The following PITPNA variants were observed in gnomAD, a reference collection of about 807,000 sequenced individuals.
PITPNA encodes phosphatidylinositol transfer protein alpha isoform.
Under a neutral mutation model 50.3 loss-of-function variants are expected in PITPNA, and 13 were observed. The ratio of observed to expected loss-of-function variants is 0.26; its 90% CI spans 0.17 to 0.41. The LOEUF is 0.41. Among genes scored for constraint, PITPNA ranks in the 10% least tolerant of loss-of-function variants. The probability of loss-of-function intolerance (pLI) is 1.00; values close to 1 mark genes in which losing one functional copy is unlikely to be tolerated. For synonymous variants in PITPNA, 120 were observed against 119.6 expected (o/e 1.00, Z -0.02); for missense variants, 207 against 333.4 (o/e 0.62, Z 2.95).
chr17:1,533,342 G>A (rs185634506), intron 10 of PITPNA, among the ~76,000 whole-genome samples: 2 of 152,288 alleles, frequency 1.3e-5, no homozygotes, highest in East Asian at 1.9e-4. Context: ...GTGTGACCCA[G>A]AGCACCGCAG....
chr17:1,552,889 A>G, intron 3 of PITPNA, 115 bp downstream of exon 3: 3 of 1,025,006 alleles, frequency 2.9e-6, no homozygotes, highest in South Asian at 3.0e-5. Flanking sequence ...ATAACTATTA[A>G]TTGTTAGGAT....
At position 1,562,792 on chromosome 17, in the gene PITPNA, C is replaced by A. The variant is rs1480738044; in HGVS notation, c.-232G>T. On this transcript the variant is annotated 5_prime_UTR_variant, in exon 1 of 12. Coordinates refer to ENST00000313486, the MANE Select transcript of PITPNA (RefSeq NM_006224.4). This position sits in a 1 kb window ranked among gnomAD's most constrained non-coding sequence, Gnocchi z 6.4. ...GGAGCTCCGGTTCCGCAGCGCCGCG[C>A]GGGGGCGGGGCGTCTCTGCGGCAAC... is the stretch of plus-strand genomic sequence containing the variant. 3 of 155,390 alleles carry A rather than the reference C, an allele frequency of 1.9e-5. No homozygotes were observed. In the East Asian group the frequency reaches 5.7e-4, roughly 30 times the overall value. The allele number at this position is 155,390 out of a possible 1,614,324, so 9.6% of individuals were successfully genotyped here. A position where few individuals can be genotyped will look rare whatever the true frequency, so the allele number is the denominator to read the frequency against.
chr17:1,549,442 G>A (rs1187258420), intron 3 of PITPNA, among the ~76,000 whole-genome samples: 2 of 148,754 alleles, frequency 1.3e-5, no homozygotes, highest in Admixed American at 6.7e-5. Context: ...TCAGCCTCCC[G>A]AGTAGAAGGG....
In PITPNA at chr17:1,520,062, G is replaced by A. The variant is rs1348373292; in HGVS notation, c.*499C>T. ...TATTTTGTGGAAGCGGTGCGGGGCAGGGAAACATTGTATCTTTAGCTCATC... is the reference window on the plus strand; with the variant it reads ...TATTTTGTGGAAGCGGTGCGGGGCAAGGAAACATTGTATCTTTAGCTCATC... On this transcript the variant is annotated 3_prime_UTR_variant, in exon 12 of 12. Coordinates refer to ENST00000313486, the MANE Select transcript of PITPNA (RefSeq NM_006224.4). 6.6e-6 allele frequency: 1 copy of A among 152,210 alleles called. No individual in the cohort carries two copies. Among genetic ancestry groups the A allele is most frequent in the Non-Finnish European group, 1.5e-5 (1 of 68,048 alleles). The allele number at this position is 152,210 out of a possible 1,614,324, so 9.4% of individuals were successfully genotyped here. A position where few individuals can be genotyped will look rare whatever the true frequency, so the allele number is the denominator to read the frequency against.
Position 1,543,005 on chromosome 17 carries a change from C to A in PITPNA, c.297+15G>T. On this transcript the variant is annotated intron_variant, in intron 5 of 11. Transcript: ENST00000313486. ...ATACATCATCTACAGTTCCAACCCCCTTGACAATACTTACTGTAATAACTG... is the reference window on the plus strand; with the variant it reads ...ATACATCATCTACAGTTCCAACCCCATTGACAATACTTACTGTAATAACTG... 6.3e-7 allele frequency: 1 copy of A among 1,580,570 alleles called. No individual in the cohort carries two copies. The highest frequency in any genetic ancestry group is 1.7e-5 in the Admixed American group (1 of 59,378).
chr17:1,540,334 C>T (rs1178848849), intron 6 of PITPNA, among the ~76,000 whole-genome samples: 5 of 152,190 alleles, frequency 3.3e-5, no homozygotes, highest in Non-Finnish European at 7.4e-5. Flanking sequence ...TAGAGTAACT[C>T]CTCTTCTTGC....
chr17:1,531,827 T>C (rs1002816771), intron 10 of PITPNA, among the ~76,000 whole-genome samples: 4 of 152,226 alleles, frequency 2.6e-5, no homozygotes, highest in African/African-American at 9.6e-5. Flanking sequence ...ATAACTTTGA[T>C]GAAACATATA....
At chr17:1,521,727 G>T (rs904527649) in intron 10 of PITPNA, 82 bp from the exon 11 acceptor site, 27 of 1,149,078 alleles carry the variant, frequency 2.3e-5, no homozygotes, top group Admixed American at 5.2e-5. Flanking sequence ...CATAGGTGGG[G>T]TGGGGCATAT....
chr17:1,526,051 G>T (rs1011761624), intron 10 of PITPNA, among the ~76,000 whole-genome samples: 4 of 152,190 alleles, frequency 2.6e-5, no homozygotes, highest in African/African-American at 9.7e-5. Flanking sequence ...GCTCCTTGAA[G>T]ATGTGGCCAG....
chr17:1,518,902 G>A lies in PITPNA; in HGVS notation c.*1659C>T, dbSNP rs1027985234. 1.3e-5 allele frequency: 2 copies of A among 152,338 alleles called. No individual in the cohort carries two copies. The highest frequency in any genetic ancestry group is 1.3e-4 in the Admixed American group (2 of 15,308). The allele number at this position is 152,338 out of a possible 1,614,324, so 9.4% of individuals were successfully genotyped here. A position where few individuals can be genotyped will look rare whatever the true frequency, so the allele number is the denominator to read the frequency against. On this transcript the variant is annotated 3_prime_UTR_variant, in exon 12 of 12. Coordinates refer to ENST00000313486, the MANE Select transcript of PITPNA (RefSeq NM_006224.4). ...CTACCAGCAGTTGAGATGCTACCCAGATGCATTACTAAAGACCCCTCAAGG... is the reference window on the plus strand; with the variant it reads ...CTACCAGCAGTTGAGATGCTACCCAAATGCATTACTAAAGACCCCTCAAGG...
At chr17:1,544,487 C>T (rs973769133) in intron 4 of PITPNA, among the ~76,000 whole-genome samples, 3 of 152,206 alleles carry the variant, frequency 2.0e-5, no homozygotes, top group African/African-American at 7.2e-5. Context: ...AAACAATCCT[C>T]CCCAAACCTT....
chr17:1,557,968 C>T (rs930211762), intron 2 of PITPNA, among the ~76,000 whole-genome samples: 5 of 152,200 alleles, frequency 3.3e-5, no homozygotes, highest in African/African-American at 1.2e-4. Flanking sequence ...TGGGGGCTCA[C>T]GCCTGTCATC....
At chr17:1,522,500 G>T (rs2075521293) in intron 10 of PITPNA, among the ~76,000 whole-genome samples, 1 of 152,154 alleles carries the variant, frequency 6.6e-6, no homozygotes, top group Non-Finnish European at 1.5e-5. Context: ...AGCCTCCCAA[G>T]TAGCTGGGAT....
intron 2 of PITPNA, among the ~76,000 whole-genome samples, chr17:1,554,307 G>C (rs987642895): frequency 1.3e-5 from 2 of 152,100 alleles, no homozygotes; most frequent in African/African-American, 4.8e-5. Context: ...CAACATGCTG[G>C]GGGGTGGAGG....
intron 4 of PITPNA, among the ~76,000 whole-genome samples, chr17:1,547,460 G>A (rs965646754): frequency 2.0e-5 from 3 of 152,082 alleles, no homozygotes; most frequent in African/African-American, 7.2e-5. Flanking sequence ...GACCAGCCTG[G>A]CCAACATGGT....
chr17:1,527,725 T>C (rs1484377716), intron 10 of PITPNA, among the ~76,000 whole-genome samples: 2 of 152,268 alleles, frequency 1.3e-5, no homozygotes, highest in Non-Finnish European at 2.9e-5. Flanking sequence ...TCTAAAAAAA[T>C]AGTAAAGTGT....
chr17:1,553,078 C>T lies in PITPNA; in HGVS notation c.123G>A (p.Glu41=). ...TCTCGTAGGGCTCATTCACCAGGAC[C>T]TCCACGCCTTCGCCACCACCCGTTT... is the stretch of plus-strand genomic sequence containing the variant. ...KNETGGGEGV[E]VLVNEPYEKD... Residue 41 remains glutamate, a synonymous_variant, in exon 3 of 12, where the codon GAG becomes GAA. Coordinates refer to ENST00000313486, the MANE Select transcript of PITPNA (RefSeq NM_006224.4). 1 of 1,613,966 alleles carries T rather than the reference C, an allele frequency of 6.2e-7. No individual in the cohort carries two copies. The highest frequency in any genetic ancestry group is 8.5e-7 in the Non-Finnish European group (1 of 1,179,866).
chr17:1,530,252 T>C (rs547127013), intron 10 of PITPNA, among the ~76,000 whole-genome samples: 34 of 152,266 alleles, frequency 2.2e-4, no homozygotes, highest in Middle Eastern at 6.8e-3. Flanking sequence ...GCACTGAACA[T>C]ATAATTGGAC....
At chr17:1,533,297 T>TG in intron 10 of PITPNA, among the ~76,000 whole-genome samples, 1 of 152,282 alleles carries the variant, frequency 6.6e-6, no homozygotes, top group South Asian at 2.1e-4. Flanking sequence ...CAGAGAGTCC[T>TG]GGGCTCTTAC....
Sources: allele counts gnomAD v4.1 joint callset (sites outside exome capture counted in the v4.1 genomes callset), GRCh38; gene constraint gnomAD v4.1.1; non-coding constraint Gnocchi (gnomAD v3.1); transcripts MANE v1.5; gene names NCBI Gene and HGNC (gene_info 2026-07-23, HGNC 2026-07-21).